TMEM248: variants seen among roughly 807,000 people sequenced by gnomAD.
TMEM248 encodes transmembrane protein 248.
A neutral mutation model predicts 30.3 loss-of-function variants in TMEM248; 9 were observed. That is an observed-to-expected ratio of 0.30 (90% CI 0.18 to 0.52). The LOEUF is 0.52. TMEM248 is among the 20% of genes least tolerant of loss of function. The pLI, the probability that TMEM248 is intolerant of heterozygous loss-of-function variation, is 0.97. For missense variants in TMEM248, 338 were observed against 403.3 expected, an observed-to-expected ratio of 0.84 and a Z score of 1.39; for synonymous variants, 184 against 154.4, an observed-to-expected ratio of 1.19 and a Z score of -1.42.
Position 66,945,060 on chromosome 7 carries a change from A to T in TMEM248, c.244A>T (p.Thr82Ser), listed in dbSNP as rs372731896. The change falls in exon 3 of 7, where the codon ACC becomes TCC. Residue 82 changes from threonine to serine, a missense_variant. Thr to Ser is a moderately conservative substitution (Grantham distance 58). Coordinates refer to ENST00000341567, the MANE Select transcript of TMEM248 (RefSeq NM_017994.5). ...NETLKHLTND[T>S]TTPESTMTSG... ...AACCCTCAAGCATCTCACAAACGAC[A>T]CCACAACTCCGGAAAGTACAATGAC... is the stretch of plus-strand genomic sequence containing the variant. 1.9e-6 allele frequency: 3 copies of T among 1,614,226 alleles called. 1 individual carries two copies. In the African/African-American group the frequency reaches 4.0e-5, roughly 22 times the overall value.
At chr7:66,948,857 G>T (rs1248771716) in intron 4 of TMEM248, among the ~76,000 whole-genome samples, 163 bp downstream of exon 4, 1 of 152,196 alleles carries the variant, frequency 6.6e-6, no homozygotes, top group Admixed American at 6.5e-5. Flanking sequence ...TTTGTCTAAA[G>T]GATTATTTAA....
At chr7:66,936,549 CAG>C (rs1360912465) in intron 1 of TMEM248, among the ~76,000 whole-genome samples, 5 of 151,908 alleles carry the variant, frequency 3.3e-5, no homozygotes, top group African/African-American at 4.8e-5. Context: ...GTTTTGGTAT[CAG>C]GGTGATACTG....
chr7:66,924,867 G>A (rs951387812), intron 1 of TMEM248, among the ~76,000 whole-genome samples: 2 of 151,050 alleles, frequency 1.3e-5, no homozygotes, highest in Admixed American at 6.6e-5. Context: ...GCACCACCAC[G>A]CCTGGCTAAT....
In TMEM248 at chr7:66,951,019, G is replaced by T; in HGVS notation, c.664G>T (p.Ala222Ser). 6 of 1,612,438 alleles carry T rather than the reference G, an allele frequency of 3.7e-6. No homozygotes were observed. Among genetic ancestry groups the T allele is most frequent in the Non-Finnish European group, 4.2e-6 (5 of 1,179,536 alleles). ...ATLWYKIFTTARDANTKYAQD... is the reference protein window; with the variant it reads ...ATLWYKIFTTSRDANTKYAQD... Reference sequence around the variant, plus strand: ...GCTCTGGTACAAGATCTTCACAACTGCCAGAGATGCCAACACAAAATACGC... The same window carrying T: ...GCTCTGGTACAAGATCTTCACAACTTCCAGAGATGCCAACACAAAATACGC... The change falls in exon 5 of 7, where the codon GCC becomes TCC. Residue 222 changes from alanine (A) to serine (S), a missense_variant. Physicochemically the swap from Ala to Ser is moderately conservative, Grantham distance 99. Coordinates refer to ENST00000341567, the MANE Select transcript of TMEM248 (RefSeq NM_017994.5).
At position 66,955,673 on chromosome 7, in the gene TMEM248, G is replaced by A. The variant is rs1792382933; in HGVS notation, c.*151G>A. The stretch of plus-strand genomic sequence containing the variant: ...CATTTCAAGTGCCTGTAACTGATTT[G>A]TACATATTTATAAAAATCTATTCAG... On this transcript the variant is annotated 3_prime_UTR_variant, in exon 7 of 7. Coordinates refer to ENST00000341567, the MANE Select transcript of TMEM248 (RefSeq NM_017994.5). The A allele has an allele frequency of 1.1e-6, 1 of 931,434 alleles. No homozygotes were observed. The highest frequency in any genetic ancestry group is 1.6e-6 in the Non-Finnish European group (1 of 616,442). 57.7% of individuals were successfully genotyped at this position (931,434 alleles called of 1,614,324 possible).
rs1322966595 is a variant in TMEM248 at position 66,950,883 on chromosome 7, G to A, written c.597-69G>A. The A allele has an allele frequency of 3.0e-6, 4 of 1,332,150 alleles. No individual in the cohort carries two copies. The South Asian group carries it at 5.4e-5, about 18-fold the overall frequency. The allele number at this position is 1,332,150 out of a possible 1,614,324, so 82.5% of individuals were successfully genotyped here. A position where few individuals can be genotyped will look rare whatever the true frequency, so the allele number is the denominator to read the frequency against. On this transcript the variant is annotated intron_variant, in intron 4 of 6. Coordinates refer to ENST00000341567, the MANE Select transcript of TMEM248 (RefSeq NM_017994.5). ...CGTGTTCAGTGTTTTACCAGCTGCT[G>A]TGGGGGTGACACAAGTGAATGACTC... is the stretch of plus-strand genomic sequence containing the variant.
At chr7:66,941,394 GA>G (rs373618347) in intron 1 of TMEM248, among the ~76,000 whole-genome samples, 14,640 of 136,318 alleles carry the variant, frequency 0.11, 791 homozygotes, top group Non-Finnish European at 0.12. Context: ...AAAAAAAAAA[GA>G]AAAAAAAAAA....
chr7:66,938,629 T>G (rs1257556192), intron 1 of TMEM248, among the ~76,000 whole-genome samples: 1 of 152,190 alleles, frequency 6.6e-6, no homozygotes, highest in Non-Finnish European at 1.5e-5. Flanking sequence ...TGCTTCAGCC[T>G]CCCAACTAGC....
chr7:66,925,920 C>T (rs899774715), intron 1 of TMEM248, among the ~76,000 whole-genome samples: 9 of 151,880 alleles, frequency 5.9e-5, no homozygotes, highest in South Asian at 2.1e-4. Flanking sequence ...GGATTACAGA[C>T]GTGAGCCACC....
intron 1 of TMEM248, among the ~76,000 whole-genome samples, chr7:66,941,378 CAAAAAAAA>C (rs531732717): frequency 1.6e-5 from 1 of 62,986 alleles, no homozygotes; most frequent in Admixed American, 1.9e-4. Flanking sequence ...GACTCCGTCT[CAAAAAAAA>C]AAAAAAAGAA....
At chr7:66,932,194 C>T (rs2129221694) in intron 1 of TMEM248, among the ~76,000 whole-genome samples, 1 of 152,152 alleles carries the variant, frequency 6.6e-6, no homozygotes, top group South Asian at 2.1e-4. Context: ...TTGGTGAAAA[C>T]CGCGATTCCT....
rs115170006 is a variant in TMEM248, at chr7:66,927,436, A to T, written c.-19+5975A>T. On this transcript the variant is annotated intron_variant, in intron 1 of 6. Transcript: ENST00000341567. ...GCTTTCTCTTGTAATTTCTTATTTG[A>T]TCTTTTTTTTTTTTTTGAGACAAGG... Among the ~76,000 whole-genome samples, 925 of 148,544 alleles carry T rather than the reference A, an allele frequency of 6.2e-3. 12 individuals are homozygous for T. Among genetic ancestry groups the T allele is most frequent in the African/African-American group, 0.021 (867 of 40,532 alleles).
chr7:66,922,389 C>T (rs1791409248), intron 1 of TMEM248: 1 of 152,174 alleles, frequency 6.6e-6, no homozygotes, highest in African/African-American at 2.4e-5. Flanking sequence ...ATGAGTGTTC[C>T]ATCAGCGCTT....
chr7:66,926,202 C>G (rs775241047), intron 1 of TMEM248, among the ~76,000 whole-genome samples: 81 of 152,294 alleles, frequency 5.3e-4, no homozygotes, highest in Middle Eastern at 3.4e-3. Context: ...GTGTCCCTTG[C>G]CCATTTTTTA....
intron 1 of TMEM248, among the ~76,000 whole-genome samples, chr7:66,929,317 A>C (rs558505085): frequency 6.6e-6 from 1 of 152,268 alleles, no homozygotes; most frequent in African/African-American, 2.4e-5. Flanking sequence ...GCCTCTCTCA[A>C]AAAGTAGGCA....
At chr7:66,925,004 C>T (rs1413619177) in intron 1 of TMEM248, among the ~76,000 whole-genome samples, 15 of 152,020 alleles carry the variant, frequency 9.9e-5, no homozygotes, top group Admixed American at 5.9e-4. Flanking sequence ...CCACCAGCCC[C>T]GGCCCTATTT....
chr7:66,927,304 G>C (rs1269110911), intron 1 of TMEM248, among the ~76,000 whole-genome samples: 1 of 152,120 alleles, frequency 6.6e-6, no homozygotes, highest in African/African-American at 2.4e-5. Flanking sequence ...AGTTTTAGAA[G>C]TAAGTCTGGT....
chr7:66,942,061 C>T, intron 2 of TMEM248, 37 bp downstream of exon 2: 1 of 1,599,834 alleles, frequency 6.3e-7, no homozygotes, highest in Non-Finnish European at 8.5e-7. Flanking sequence ...GCTGGCTGGT[C>T]CTTGTGCAGT....
rs769197424 is a variant in TMEM248, at chr7:66,945,273, C to A, written c.445+12C>A. ...GATTGGACTTTCAGGTATGCAGTAG[C>A]CACTCTCCACTCAGGCTCCTTAGGC... On this transcript the variant is annotated intron_variant, in intron 3 of 6. Transcript: ENST00000341567. 2 of 1,608,522 alleles carry A rather than the reference C, an allele frequency of 1.2e-6. No homozygotes were observed. Among genetic ancestry groups the A allele is most frequent in the African/African-American group, 2.7e-5 (2 of 74,808 alleles).
Sources: gnomAD v4.1 joint callset for allele counts (sites outside exome capture counted in the v4.1 genomes callset) on GRCh38, gnomAD v4.1.1 for gene constraint, MANE v1.5 for transcripts, NCBI Gene and HGNC (gene_info 2026-07-23, HGNC 2026-07-21) for gene names.